NOC2L: variants seen among roughly 807,000 people sequenced by gnomAD.
NOC2L encodes the protein NOC2 like nucleolar associated transcriptional repressor, also known as nucleolar complex protein 2 homolog.
Under a neutral mutation model 94.2 loss-of-function variants are expected in NOC2L, and 101 were observed. The ratio of observed to expected loss-of-function variants is 1.07; its 90% CI spans 0.91 to 1.26. The LOEUF is 1.26. Ranked by LOEUF, NOC2L falls within the 50% of genes most tolerant of loss-of-function variation. NOC2L has a pLI of 0.00. For missense variants in NOC2L, 1,076 were observed against 980.1 expected (o/e 1.10, Z -1.31); for synonymous variants, 531 against 413.4 (o/e 1.28, Z -3.45).
chr1:946,349 G>C (rs562325675), intron 15 of NOC2L, 53 bp downstream of exon 15: 285 of 1,612,978 alleles, frequency 1.8e-4, no homozygotes, highest in Non-Finnish European at 2.4e-4. Flanking sequence ...ATGTAGCTGG[G>C]GCTATACCCT....
In NOC2L at chr1:957,187, T is replaced by C. The variant is rs1353079758; in HGVS notation, c.266A>G (p.Glu89Gly). 1 of 1,613,918 alleles carries C rather than the reference T, an allele frequency of 6.2e-7. No homozygotes were observed. Among genetic ancestry groups the C allele is most frequent in the African/African-American group, 1.3e-5 (1 of 74,940 alleles). ...RDPEFYKFLQ[E>G]NDQSLLNFSD... ...GAAGTTTAGCAGGCTCTGGTCATTC[T>C]CCTGCAGGAACTTGTAGAACTCGGG... Residue 89 changes from glutamate to glycine, a missense_variant, in exon 3 of 19, where the codon GAG becomes GGG. Physicochemically the swap from Glu to Gly is moderately conservative, Grantham distance 98. Around this residue, in one of 3 missense-constraint regions of NOC2L, gnomAD observed 457 missense variants for 386.0 expected, o/e 1.18. Coordinates refer to ENST00000327044, the MANE Select transcript of NOC2L (RefSeq NM_015658.4).
intron 11 of NOC2L, 56 bp from the exon 12 acceptor site, chr1:951,294 TC>T: frequency 7.6e-7 from 1 of 1,311,584 alleles, no homozygotes; most frequent in Non-Finnish European, 1.1e-6. Flanking sequence ...CCCCTGCCCC[TC>T]CCCCTGCTGT....
At chr1:949,232 G>A (rs958422699) in intron 12 of NOC2L, among the ~76,000 whole-genome samples, 1 of 152,222 alleles carries the variant, frequency 6.6e-6, no homozygotes, top group Non-Finnish European at 1.5e-5. Flanking sequence ...GGAGCCCTCA[G>A]GCTGTGAACC....
At chr1:952,258 C>G in intron 10 of NOC2L, 119 bp from the exon 11 acceptor site, 2 of 1,407,502 alleles carry the variant, frequency 1.4e-6, no homozygotes, top group South Asian at 2.6e-5. Flanking sequence ...TCAACCCATC[C>G]ACCCTTCCCC....
chr1:945,211 G>A, intron 17 of NOC2L, 65 bp from the exon 18 acceptor site: 1 of 1,527,564 alleles, frequency 6.5e-7, no homozygotes, highest in Non-Finnish European at 8.8e-7. Context: ...AAGTCACAGT[G>A]GGGGCAGGAG....
chr1:957,484 T>G, intron 2 of NOC2L: 1 of 571,184 alleles, frequency 1.8e-6, no homozygotes. Flanking sequence ...AGCCGCGGTC[T>G]TCCCTGGACT....
intron 14 of NOC2L, among the ~76,000 whole-genome samples, chr1:947,872 T>A (rs1267153904): frequency 6.6e-6 from 1 of 152,228 alleles, no homozygotes; most frequent in African/African-American, 2.4e-5. Context: ...ATCAGCCTTG[T>A]GGTTCCCACC....
intron 14 of NOC2L, 97 bp downstream of exon 14, chr1:948,034 T>A: frequency 1.1e-6 from 1 of 947,346 alleles, no homozygotes; most frequent in South Asian, 1.5e-5. Context: ...CAGTCCCAGG[T>A]ACCCGGGACA....
chr1:945,816 G>A (rs1642091127), intron 16 of NOC2L, among the ~76,000 whole-genome samples, 163 bp from the exon 17 acceptor site: 1 of 152,170 alleles, frequency 6.6e-6, no homozygotes, highest in Non-Finnish European at 1.5e-5. Flanking sequence ...TCCATCCCAT[G>A]TCCAAGGTCA....
At chr1:946,869 C>A in intron 14 of NOC2L, 1 of 214,872 alleles carries the variant, frequency 4.7e-6, no homozygotes, top group Admixed American at 5.4e-5. Flanking sequence ...ACCAGCCTGG[C>A]CAACGTGGCA....
chr1:946,295 T>C lies in NOC2L; in HGVS notation c.1804-9A>G, dbSNP rs1454928469. ...AGCTTCTCCCAGGCTTCCTGGGGGG[T>C]TGGGGGAGTTCAGGGTCATGCCTCA... is the stretch of plus-strand genomic sequence containing the variant. On this transcript the variant is annotated splice_polypyrimidine_tract_variant and intron_variant, in intron 15 of 18. Coordinates refer to ENST00000327044, the MANE Select transcript of NOC2L (RefSeq NM_015658.4). 1 of 1,612,112 alleles carries C rather than the reference T, an allele frequency of 6.2e-7. No individual in the cohort carries two copies.
At chr1:957,384 G>A in intron 2 of NOC2L, 111 bp from the exon 3 acceptor site, 2 of 1,064,088 alleles carry the variant, frequency 1.9e-6, no homozygotes, top group South Asian at 1.5e-5. Flanking sequence ...TAGCAAGACA[G>A]GATTGCCAGG....
chr1:944,861 G>T (rs1642047980), intron 18 of NOC2L, 61 bp from the exon 19 acceptor site: 3 of 1,298,962 alleles, frequency 2.3e-6, no homozygotes, highest in South Asian at 1.3e-5. Flanking sequence ...CAGCCTTAGA[G>T]GTTACTCATC....
rs2100391773 is a variant in NOC2L at position 953,854 on chromosome 1, GGCC to G, written c.813_815del (p.Ala272del). On this transcript the variant is annotated inframe_deletion, in exon 8 of 19. Coordinates refer to ENST00000327044, the MANE Select transcript of NOC2L (RefSeq NM_015658.4). Reference sequence around the variant, plus strand: ...CCAGCACGCTGATGTGCCGCAGCACGGCCGCCAACACCGTCGTCTCCGACAGAC... The same window carrying G: ...CCAGCACGCTGATGTGCCGCAGCACGGCCAACACCGTCGTCTCCGACAGAC... The G allele has an allele frequency of 1.2e-6, 2 of 1,613,094 alleles. No homozygotes were observed. Among genetic ancestry groups the G allele is most frequent in the Non-Finnish European group, 1.7e-6 (2 of 1,180,004 alleles).
chr1:946,103 A>G, intron 16 of NOC2L, 70 bp downstream of exon 16: 1 of 1,173,782 alleles, frequency 8.5e-7, no homozygotes, highest in South Asian at 1.4e-5. Flanking sequence ...CCTGGTCTCA[A>G]GTCATAGTGC....
chr1:948,191 G>A lies in NOC2L; in HGVS notation c.1599C>T (p.Tyr533=). The A allele has an allele frequency of 1.3e-6, 2 of 1,589,786 alleles. No homozygotes were observed. The highest frequency in any genetic ancestry group is 1.7e-6 in the Non-Finnish European group (2 of 1,168,600). ...CGATGCAGTGTGCCTGGCTGTGCAG[G>A]TACTCCAGGGTGAGGTCGTACAGCT... ...VEQLYDLTLE[Y]LHSQAHCIGF... The change falls in exon 14 of 19, where the codon TAC becomes TAT. Residue 533 remains tyrosine (Y), a synonymous_variant. Transcript: ENST00000327044.
In NOC2L at chr1:959,061, A is replaced by C. The variant is rs1569961742; in HGVS notation, c.47T>G (p.Val16Gly). The C allele has an allele frequency of 6.2e-7, 1 of 1,609,718 alleles. No homozygotes were observed. The highest frequency in any genetic ancestry group is 1.3e-5 in the African/African-American group (1 of 75,018). ...AAAGCCCGAAGCTAGGAACTCGTCC[A>C]CCGTCAGCTCCGCCAGGCGCCTGCG... ...SRKRRLAELT[V>G]DEFLASGFDS... The change falls in exon 2 of 19, where the codon GTG (valine) becomes GGG (glycine). Residue 16 changes from valine to glycine, a missense_variant. Coordinates refer to ENST00000327044, the MANE Select transcript of NOC2L (RefSeq NM_015658.4).
rs1642283793 is a variant in NOC2L, at chr1:952,393, G to A, written c.1191+19C>T. On this transcript the variant is annotated intron_variant, in intron 10 of 18. Coordinates refer to ENST00000327044, the MANE Select transcript of NOC2L (RefSeq NM_015658.4). Reference sequence around the variant, plus strand: ...CCACCCCATGCCCAGCATGAGCCTGGAAGGGCCCCACCACACACCTTCTTG... The same window carrying A: ...CCACCCCATGCCCAGCATGAGCCTGAAAGGGCCCCACCACACACCTTCTTG... The A allele has an allele frequency of 1.9e-6, 3 of 1,611,062 alleles. No individual in the cohort carries two copies. The African/African-American group carries it at 4.0e-5, about 22-fold the overall frequency.
rs148852075 is a variant in NOC2L, at chr1:955,929, C to T, written c.692G>A (p.Ser231Asn). 41 of 1,594,444 alleles carry T rather than the reference C, an allele frequency of 2.6e-5. No individual in the cohort carries two copies. The African/African-American group carries it at 5.1e-4, about 20-fold the overall frequency. Residue 231 changes from serine to asparagine, a missense_variant, in exon 6 of 19, where the codon AGC (serine) becomes AAC (asparagine). Ser to Asn is a conservative substitution (Grantham distance 46). Coordinates refer to ENST00000327044, the MANE Select transcript of NOC2L (RefSeq NM_015658.4). ...KLLFGKVAKD[S>N]SRMLQPSSSP... is the part of the protein sequence containing the mutation. ...TCACCCCCTCCCCTCTTACCTGCTG[C>T]TATCCTTTGCCACCTTTCCAAACAG...
Sources: allele counts gnomAD v4.1 joint callset (sites outside exome capture counted in the v4.1 genomes callset), GRCh38; gene constraint gnomAD v4.1.1; regional missense constraint gnomAD v4.1.1; transcripts MANE v1.5; gene names NCBI Gene and HGNC (gene_info 2026-07-23, HGNC 2026-07-21).